MYH3: variants seen among roughly 807,000 people sequenced by gnomAD.
MYH3 encodes the protein myosin-3.
A neutral mutation model predicts 238.0 loss-of-function variants in MYH3; 130 were observed. The observed-to-expected ratio is 0.55, with a 90% CI of 0.47 to 0.63. The LOEUF (loss-of-function observed/expected upper bound fraction) is 0.63, where lower values mean the gene tolerates loss of function less well. Among genes scored for constraint, MYH3 ranks in the 30% least tolerant of loss-of-function variants. The probability of loss-of-function intolerance (pLI) is 0.00; values close to 1 mark genes in which losing one functional copy is unlikely to be tolerated. For missense variants in MYH3, 1,853 were observed against 2,374.9 expected (o/e 0.78, Z 4.57); for synonymous variants, 880 against 924.1 (o/e 0.95, Z 0.86).
chr17:10,632,513 G>A lies in MYH3; in HGVS notation c.4919C>T (p.Thr1640Ile). 3 of 1,614,054 alleles carry A rather than the reference G, an allele frequency of 1.9e-6. No homozygotes were observed. The highest frequency in any genetic ancestry group is 2.5e-6 in the Non-Finnish European group (3 of 1,180,050). Residue 1640 changes from threonine (T) to isoleucine (I), a missense_variant, in exon 34 of 41, where the codon ACC becomes ATC. Coordinates refer to ENST00000583535, the MANE Select transcript of MYH3 (RefSeq NM_002470.4). Reference sequence around the variant, plus strand: ...CTGGACACTCCTGAGGTGTTTGAGGGTCTCCGCCGCCTGGCGGTTGGCGTG... The same window carrying A: ...CTGGACACTCCTGAGGTGTTTGAGGATCTCCGCCGCCTGGCGGTTGGCGTG... ...LSHANRQAAE[T>I]LKHLRSVQGQ...
chr17:10,667,553 C>T, the MYH3 span, among the ~76,000 whole-genome samples: 2 of 151,752 alleles, frequency 1.3e-5, no homozygotes, highest in East Asian at 1.9e-4. Flanking sequence ...TTGTGACAGG[C>T]GCCTGTAGTC....
At chr17:10,638,516 C>T (rs180832981) in intron 26 of MYH3, 84 bp from the exon 27 acceptor site, 122 of 1,561,418 alleles carry the variant, frequency 7.8e-5, no homozygotes, top group Non-Finnish European at 7.8e-5. Context: ...TTTCCCTTCC[C>T]ATTAGACAAA....
chr17:10,635,896 TTCAC>T (rs2074211109), intron 28 of MYH3, 43 bp from the exon 29 acceptor site: 1 of 1,512,664 alleles, frequency 6.6e-7, no homozygotes. Context: ...TATTCACTCA[TTCAC>T]TCACCAACTT....
At chr17:10,668,845 C>A in the MYH3 span, among the ~76,000 whole-genome samples, 1 of 152,204 alleles carries the variant, frequency 6.6e-6, no homozygotes, top group Non-Finnish European at 1.5e-5. Flanking sequence ...ACTTGCTTGT[C>A]ATTTGTAGTT....
At chr17:10,675,441 A>G in the MYH3 span, 1 of 152,138 alleles carries the variant, frequency 6.6e-6, no homozygotes, top group Admixed American at 6.6e-5. Flanking sequence ...TTTTGCAGGG[A>G]CTCTTTTTCC....
chr17:10,669,523 C>T, the MYH3 span, among the ~76,000 whole-genome samples: 6 of 150,518 alleles, frequency 4.0e-5, no homozygotes, highest in Non-Finnish European at 8.8e-5. Context: ...GCTGAGACCA[C>T]GCCATTGCCC....
chr17:10,645,209 C>T (rs934817652), intron 12 of MYH3, among the ~76,000 whole-genome samples: 1 of 151,952 alleles, frequency 6.6e-6, no homozygotes, highest in African/African-American at 2.4e-5. Context: ...CCAAGGCAGG[C>T]GAATCATTTG....
In MYH3 at chr17:10,628,927, G is replaced by C. The variant is rs368282291; in HGVS notation, c.5797-248C>G. Among the ~76,000 whole-genome samples, 26 of 152,328 alleles carry C rather than the reference G, an allele frequency of 1.7e-4. 1 individual carries two copies. The East Asian group carries it at 2.9e-3, about 17-fold the overall frequency. The stretch of plus-strand genomic sequence containing the variant: ...TACTGTCGGATGCTGTGTGTTCAGC[G>C]GGCTCTGGAGGGGGCTCCTGCAGCA... On this transcript the variant is annotated intron_variant, in intron 40 of 40. Transcript: ENST00000583535.
chr17:10,669,846 G>A, the MYH3 span, among the ~76,000 whole-genome samples: 1 of 152,152 alleles, frequency 6.6e-6, no homozygotes, highest in Non-Finnish European at 1.5e-5. Context: ...GGGAATTTGA[G>A]GCTGCAGTGA....
At chr17:10,657,668 C>G (rs2074447343), upstream of MYH3, among the ~76,000 whole-genome samples, 1 of 152,122 alleles carries the variant, frequency 6.6e-6, no homozygotes, top group Non-Finnish European at 1.5e-5. Flanking sequence ...TATTGGGCAC[C>G]AAGGACTGAA....
At chr17:10,648,306 G>C (rs1307518383) in intron 8 of MYH3, among the ~76,000 whole-genome samples, 2 of 152,048 alleles carry the variant, frequency 1.3e-5, no homozygotes, top group Admixed American at 1.3e-4. Flanking sequence ...GCGGCTCTCA[G>C]CTCCCGTGCC....
chr17:10,632,126 GT>G (rs2074168603), intron 34 of MYH3, 110 bp from the exon 35 acceptor site: 9 of 1,355,348 alleles, frequency 6.6e-6, no homozygotes, highest in South Asian at 1.3e-5. Flanking sequence ...GTTTTGTTTT[GT>G]TTTGTTTGTT....
At chr17:10,651,837 G>A (rs2074379200) in intron 4 of MYH3, 169 bp from the exon 5 acceptor site, 3 of 925,842 alleles carry the variant, frequency 3.2e-6, no homozygotes, top group Admixed American at 2.8e-5. Context: ...TCCACCTCCC[G>A]GGTTCAAGCA....
chr17:10,646,958 G>A (rs2142413061), intron 10 of MYH3, among the ~76,000 whole-genome samples: 1 of 152,326 alleles, frequency 6.6e-6, no homozygotes, highest in Non-Finnish European at 1.5e-5. Context: ...TGGGGCTGGA[G>A]GATTACTTGA....
In MYH3 at chr17:10,642,342, G is replaced by A; in HGVS notation, c.1889-32C>T. ...GCAATAAGGGAGGGCACGTGCTGTA[G>A]GTGAATCTAAAAGGTTTTTTGTTAC... On this transcript the variant is annotated intron_variant, in intron 16 of 40. Coordinates refer to ENST00000583535, the MANE Select transcript of MYH3 (RefSeq NM_002470.4). The surrounding 1 kb of genome is among the most constrained non-coding windows in gnomAD (Gnocchi z 5.4). The A allele has an allele frequency of 2.5e-6, 4 of 1,613,816 alleles. No homozygotes were observed. The highest frequency in any genetic ancestry group is 3.4e-6 in the Non-Finnish European group (4 of 1,179,708).
At chr17:10,633,846 A>ATT in intron 32 of MYH3, 131 bp from the exon 33 acceptor site, 1 of 1,495,156 alleles carries the variant, frequency 6.7e-7, no homozygotes, top group South Asian at 1.1e-5. Context: ...GAGATAAGAT[A>ATT]TTGTACAGAG....
At position 10,654,312 on chromosome 17, in the gene MYH3, T is replaced by C. The variant is rs2074407670; in HGVS notation, c.204+549A>G. On this transcript the variant is annotated intron_variant, in intron 3 of 40. Coordinates refer to ENST00000583535, the MANE Select transcript of MYH3 (RefSeq NM_002470.4). The surrounding 1 kb of genome is among the most constrained non-coding windows in gnomAD (Gnocchi z 4.5). The stretch of plus-strand genomic sequence containing the variant: ...TTCTCCTGATGTGGATTTTAGAAAC[T>C]AGTGAGCTCCAGAATTCCTCGCAGC... Among the ~76,000 whole-genome samples, 1 of 152,160 alleles carries C rather than the reference T, an allele frequency of 6.6e-6. No individual in the cohort carries two copies. The highest frequency in any genetic ancestry group is 6.6e-5 in the Admixed American group (1 of 15,266).
upstream of MYH3, among the ~76,000 whole-genome samples, chr17:10,660,114 G>T: frequency 6.6e-6 from 1 of 152,240 alleles, no homozygotes; most frequent in East Asian, 1.9e-4. Flanking sequence ...GCTTCTTTGA[G>T]CCTTCGTCTT....
chr17:10,646,810 G>A (rs893556295), intron 10 of MYH3, among the ~76,000 whole-genome samples: 1 of 152,200 alleles, frequency 6.6e-6, no homozygotes, highest in Non-Finnish European at 1.5e-5. Flanking sequence ...CACTGTGGGA[G>A]GCCGAGTCGG....
Sources: allele counts gnomAD v4.1 joint callset (sites outside exome capture counted in the v4.1 genomes callset), GRCh38; gene constraint gnomAD v4.1.1; non-coding constraint Gnocchi (gnomAD v3.1); transcripts MANE v1.5; gene names NCBI Gene and HGNC (gene_info 2026-07-23, HGNC 2026-07-21).